GLG1: variants seen among roughly 807,000 people sequenced by gnomAD.
The protein encoded by GLG1 is golgi glycoprotein 1.
Under a neutral mutation model 160.5 loss-of-function variants are expected in GLG1, and 38 were observed. That is an observed-to-expected ratio of 0.24 (90% CI 0.18 to 0.31). The LOEUF is 0.31. Ranked by LOEUF, GLG1 falls within the 10% of genes least tolerant of loss-of-function variation. The pLI, the probability that GLG1 is intolerant of heterozygous loss-of-function variation, is 1.00. For missense variants in GLG1, 1,373 were observed against 1,505.2 expected, an observed-to-expected ratio of 0.91 and a Z score of 1.45; for synonymous variants, 644 against 543.4, an observed-to-expected ratio of 1.19 and a Z score of -2.57.
At chr16:74,584,728 C>T (rs1958009246) in intron 1 of GLG1, among the ~76,000 whole-genome samples, 1 of 151,890 alleles carries the variant, frequency 6.6e-6, no homozygotes, top group Admixed American at 6.6e-5. Context: ...CTACCCTGGC[C>T]AACATGATGA....
At chr16:74,544,843 G>T (rs1225097499) in intron 1 of GLG1, among the ~76,000 whole-genome samples, 2 of 151,976 alleles carry the variant, frequency 1.3e-5, no homozygotes, top group African/African-American at 2.4e-5. Flanking sequence ...AATACTTAAA[G>T]CACCTAGCAC....
At chr16:74,586,120 G>T (rs1205035164) in intron 1 of GLG1, among the ~76,000 whole-genome samples, 2 of 150,960 alleles carry the variant, frequency 1.3e-5, no homozygotes, top group African/African-American at 4.9e-5. Context: ...TATGGTAAGT[G>T]AATTTCATCT....
chr16:74,463,111 C>T (rs142315484), intron 20 of GLG1: 124 of 522,772 alleles, frequency 2.4e-4, no homozygotes, highest in African/African-American at 2.0e-3. Flanking sequence ...CAAGGACTGC[C>T]GGCCTGATTC....
At chr16:74,489,697 GC>G (rs1485197369) in intron 8 of GLG1, among the ~76,000 whole-genome samples, 1 of 152,136 alleles carries the variant, frequency 6.6e-6, no homozygotes, top group Non-Finnish European at 1.5e-5. Context: ...CTTCCCTCCT[GC>G]CCAGGTTGGT....
At chr16:74,583,604 T>C (rs770964198) in intron 1 of GLG1, among the ~76,000 whole-genome samples, 1 of 152,164 alleles carries the variant, frequency 6.6e-6, no homozygotes, top group Non-Finnish European at 1.5e-5. Context: ...GGTCTTGAAC[T>C]CCTGACCTCA....
chr16:74,455,747 C>T (rs1389795084), intron 25 of GLG1, among the ~76,000 whole-genome samples: 1 of 152,198 alleles, frequency 6.6e-6, no homozygotes, highest in Non-Finnish European at 1.5e-5. Context: ...TGAGTCAATA[C>T]AAAAGCATGG....
At chr16:74,462,855 C>A (rs2014855710) in intron 20 of GLG1, 2 of 559,040 alleles carry the variant, frequency 3.6e-6, no homozygotes, top group Non-Finnish European at 6.3e-6. Flanking sequence ...TTCTACTCTG[C>A]GGGGTTTTGT....
At chr16:74,576,870 T>G (rs1379474307) in intron 1 of GLG1, among the ~76,000 whole-genome samples, 1 of 152,186 alleles carries the variant, frequency 6.6e-6, no homozygotes, top group Non-Finnish European at 1.5e-5. Flanking sequence ...ATATTTTTAT[T>G]TTTACCTCTT....
chr16:74,587,668 C>G (rs1958083535), intron 1 of GLG1, among the ~76,000 whole-genome samples: 1 of 152,124 alleles, frequency 6.6e-6, no homozygotes, highest in African/African-American at 2.4e-5. Flanking sequence ...GAGATCAAGA[C>G]CATCCTGGCC....
Position 74,578,964 on chromosome 16 carries a change from T to C in GLG1, c.438+27693A>G, listed in dbSNP as rs1378412138. On this transcript the variant is annotated intron_variant, in intron 1 of 25. Transcript: ENST00000422840. ...AATTCTGCATTTATGTCTGCATTTATTAAGAGCCAGCTCTTATTGATCCAT... is the reference window on the plus strand; with the variant it reads ...AATTCTGCATTTATGTCTGCATTTACTAAGAGCCAGCTCTTATTGATCCAT... Among the ~76,000 whole-genome samples the C allele has an allele frequency of 2.6e-5, 4 of 152,336 alleles. No homozygotes were observed. In the South Asian group the frequency reaches 6.2e-4, roughly 24 times the overall value.
At position 74,465,664 on chromosome 16, in the gene GLG1, T is replaced by C; in HGVS notation, c.2667+12A>G. ...GTTCATCCGTGCTCGGCCTTTGGTG[T>C]CGGCTTCTCACCTTTATCATCTGCT... is the stretch of plus-strand genomic sequence containing the variant. On this transcript the variant is annotated intron_variant, in intron 19 of 25. Coordinates refer to ENST00000422840, the MANE Select transcript of GLG1 (RefSeq NM_001145667.2). 6.2e-7 allele frequency: 1 copy of C among 1,612,322 alleles called. No individual in the cohort carries two copies. The highest frequency in any genetic ancestry group is 8.5e-7 in the Non-Finnish European group (1 of 1,179,456).
At chr16:74,463,051 T>C (rs757226682) in intron 20 of GLG1, 13 of 452,594 alleles carry the variant, frequency 2.9e-5, no homozygotes, top group Non-Finnish European at 5.0e-5. Flanking sequence ...TACCCGTACA[T>C]TCTCCTGGCA....
chr16:74,606,615 C>G lies in GLG1; in HGVS notation c.438+42G>C, dbSNP rs1224891689. On this transcript the variant is annotated intron_variant, in intron 1 of 25. Coordinates refer to ENST00000422840, the MANE Select transcript of GLG1 (RefSeq NM_001145667.2). ...CCAAGGCCGGCAACACCCTCGGGCC[C>G]GCACCAGGCCTGGCCCTCCCGGCTT... 8 of 1,497,962 alleles carry G rather than the reference C, an allele frequency of 5.3e-6. No individual in the cohort carries two copies. The South Asian group carries it at 7.9e-5, about 15-fold the overall frequency. 92.8% of individuals were successfully genotyped at this position (1,497,962 alleles called of 1,614,324 possible). A position where few individuals can be genotyped will look rare whatever the true frequency, so the allele number is the denominator to read the frequency against.
rs963293068 is a variant in GLG1 at position 74,452,684 on chromosome 16, G to C, written c.*483C>G. 3.0e-6 allele frequency: 3 copies of C among 993,386 alleles called. No individual in the cohort carries two copies. The highest frequency in any genetic ancestry group is 4.5e-5 in the South Asian group (1 of 22,052). 61.5% of individuals were successfully genotyped at this position (993,386 alleles called of 1,614,324 possible). A position where few individuals can be genotyped will look rare whatever the true frequency, so the allele number is the denominator to read the frequency against. On this transcript the variant is annotated 3_prime_UTR_variant, in exon 26 of 26. Transcript: ENST00000422840. ...GAGACACCTCAGTCATGGCACACTG[G>C]GTGGTGTGCTTCCCCTCCAAGTCCT...
rs574796660 is a variant in GLG1 at position 74,585,509 on chromosome 16, A to C, written c.438+21148T>G. ...ATCATGAGGTCATGAGATTGAGACC[A>C]TCCTGGCTAACAGGGTGAAACCTCG... On this transcript the variant is annotated intron_variant, in intron 1 of 25. Transcript: ENST00000422840. 1.8e-4 allele frequency among the ~76,000 whole-genome samples: 28 copies of C among 152,106 alleles called. No homozygotes were observed. In the East Asian group the frequency reaches 4.6e-3, roughly 25 times the overall value.
intron 1 of GLG1, among the ~76,000 whole-genome samples, chr16:74,604,910 G>A (rs1415235728): frequency 6.6e-6 from 1 of 152,110 alleles, no homozygotes; most frequent in Non-Finnish European, 1.5e-5. Flanking sequence ...TTAGCTGGGC[G>A]TGGTGGCGCT....
At chr16:74,569,819 G>A (rs1005621616) in intron 1 of GLG1, among the ~76,000 whole-genome samples, 2 of 143,072 alleles carry the variant, frequency 1.4e-5, no homozygotes, top group Admixed American at 1.5e-4. Flanking sequence ...CCAAGATCAC[G>A]CCACTGCACC....
intron 1 of GLG1, among the ~76,000 whole-genome samples, chr16:74,565,741 A>G (rs564423734): frequency 6.6e-6 from 1 of 152,300 alleles, no homozygotes. Flanking sequence ...TTCGCAAATT[A>G]TTCTTTGCAC....
chr16:74,478,197 A>G (rs551213420), intron 11 of GLG1, among the ~76,000 whole-genome samples: 1 of 152,308 alleles, frequency 6.6e-6, no homozygotes, highest in Non-Finnish European at 1.5e-5. Flanking sequence ...TAGCAAAACT[A>G]ATGTGTCAGT....
Sources: allele counts gnomAD v4.1 joint callset (sites outside exome capture counted in the v4.1 genomes callset), GRCh38; gene constraint gnomAD v4.1.1; transcripts MANE v1.5; gene names NCBI Gene and HGNC (gene_info 2026-07-23, HGNC 2026-07-21).